The following LOXL2 variants were observed in gnomAD, a reference collection of about 807,000 sequenced individuals.
The protein encoded by LOXL2 is lysyl oxidase like 2.
LOXL2 carries 70 observed loss-of-function variants against 93.0 expected under a neutral mutation model. The ratio of observed to expected loss-of-function variants is 0.75; its 90% CI spans 0.62 to 0.92. The LOEUF (loss-of-function observed/expected upper bound fraction) is 0.92. Ranked by LOEUF, LOXL2 falls within the 40% of genes least tolerant of loss-of-function variation. The pLI, the probability that LOXL2 is intolerant of heterozygous loss-of-function variation, is 0.00. For synonymous variants in LOXL2, 438 were observed against 413.2 expected (o/e 1.06, Z -0.73); for missense variants, 973 against 1,054.9 (o/e 0.92, Z 1.08).
At chr8:23,352,102 C>A (rs1804104277) in intron 3 of LOXL2, among the ~76,000 whole-genome samples, 1 of 152,216 alleles carries the variant, frequency 6.6e-6, no homozygotes, top group Non-Finnish European at 1.5e-5. Context: ...GCGTGAGCCA[C>A]CGTGCCCAGC....
intron 1 of LOXL2, 159 bp downstream of exon 1, chr8:23,403,795 T>A (rs1800183119): frequency 6.6e-6 from 1 of 152,344 alleles, no homozygotes; most frequent in Non-Finnish European, 1.5e-5. Context: ...CCCGTTAGCC[T>A]GCACGTCCTC....
intron 6 of LOXL2, among the ~76,000 whole-genome samples, chr8:23,324,753 T>TA (rs1427757534): frequency 2.6e-5 from 4 of 152,336 alleles, no homozygotes; most frequent in African/African-American, 9.6e-5. Flanking sequence ...AGAGCAGTGT[T>TA]ACGGCTTCCA....
At position 23,328,494 on chromosome 8, in the gene LOXL2, T is replaced by C. The variant is rs1051146; in HGVS notation, c.1038A>G (p.Glu346=). Residue 346 remains glutamate (E), a synonymous_variant, in exon 6 of 14, where the codon GAA becomes GAG. Transcript: ENST00000389131. ...ACTTGTCGTCGCAGACGGTCCCCCA[T>C]TCTCCATTTTTGAGCACCTCCACGC... ...EGRVEVLKNG[E]WGTVCDDKWD... 1,137,524 of 1,613,578 alleles carry C rather than the reference T, an allele frequency of 0.7. 406,424 individuals are homozygous for C. Among genetic ancestry groups the C allele is most frequent in the Non-Finnish European group, 0.74 (870,288 of 1,179,830 alleles).
At chr8:23,382,925 C>T (rs1193238370) in intron 1 of LOXL2, among the ~76,000 whole-genome samples, 1 of 152,144 alleles carries the variant, frequency 6.6e-6, no homozygotes, top group East Asian at 1.9e-4. Flanking sequence ...TGGCTGAACC[C>T]ACCCCAAACA....
intron 1 of LOXL2, among the ~76,000 whole-genome samples, chr8:23,395,958 G>T (rs531789075): frequency 3.3e-5 from 5 of 152,130 alleles, no homozygotes; most frequent in Non-Finnish European, 7.3e-5. Flanking sequence ...ACAGGTGTGA[G>T]CCACTGTGCC....
intron 3 of LOXL2, among the ~76,000 whole-genome samples, chr8:23,343,590 G>A (rs7013955): frequency 0.089 from 13,541 of 152,232 alleles, 725 homozygotes; most frequent in African/African-American, 0.15. Context: ...ACGTCTCCTC[G>A]CCATGGGCTT....
chr8:23,328,819 C>T (rs540396180), intron 5 of LOXL2: 13 of 459,572 alleles, frequency 2.8e-5, no homozygotes, highest in Admixed American at 7.0e-5. Flanking sequence ...GCAGCCCTCG[C>T]GTGGAGCTTC....
At chr8:23,349,240 G>A (rs752709318) in intron 3 of LOXL2, among the ~76,000 whole-genome samples, 29 of 152,106 alleles carry the variant, frequency 1.9e-4, no homozygotes, top group African/African-American at 2.2e-4. Flanking sequence ...CTGTCTCCTC[G>A]CCTCTGGTTT....
At chr8:23,364,389 TTA>T (rs1475229190) in intron 2 of LOXL2, 1 of 152,192 alleles carries the variant, frequency 6.6e-6, no homozygotes, top group African/African-American at 2.4e-5. Context: ...AAGCCAAATT[TTA>T]TGTTACTCTT....
chr8:23,297,823 C>T lies in LOXL2; in HGVS notation c.*220G>A, dbSNP rs866948084. On this transcript the variant is annotated 3_prime_UTR_variant, in exon 14 of 14. Transcript: ENST00000389131. The stretch of plus-strand genomic sequence containing the variant: ...CAGCTCTGTGGACAAACCCCACCCC[C>T]GCAAGGCCTTCTCAGGCCCCAAGGG... 89 of 529,722 alleles carry T rather than the reference C, an allele frequency of 1.7e-4. 2 individuals are homozygous for T. The highest frequency in any genetic ancestry group is 1.5e-3 in the South Asian group (59 of 39,776). The allele number at this position is 529,722 out of a possible 1,614,324, so 32.8% of individuals were successfully genotyped here. A position where few individuals can be genotyped will look rare whatever the true frequency, so the allele number is the denominator to read the frequency against.
chr8:23,297,915 G>A lies in LOXL2; in HGVS notation c.*128C>T. The A allele has an allele frequency of 1.4e-6, 1 of 693,744 alleles. No homozygotes were observed. 43.0% of individuals were successfully genotyped at this position (693,744 alleles called of 1,614,324 possible). Reference sequence around the variant, plus strand: ...CTCCTGAGCTTAGACACAGCTGTAGGGGTCTGGACAGGGTGGGGGCCGGGC... The same window carrying A: ...CTCCTGAGCTTAGACACAGCTGTAGAGGTCTGGACAGGGTGGGGGCCGGGC... On this transcript the variant is annotated 3_prime_UTR_variant, in exon 14 of 14. Coordinates refer to ENST00000389131, the MANE Select transcript of LOXL2 (RefSeq NM_002318.3).
At chr8:23,332,712 GCACTCATACACACA>G (rs1368691045) in intron 5 of LOXL2, among the ~76,000 whole-genome samples, 4 of 56,966 alleles carry the variant, frequency 7.0e-5, no homozygotes, top group Non-Finnish European at 5.9e-5. Context: ...TCATACACAT[GCACTCATACACACA>G]CACTCATACA....
chr8:23,298,212 T>C, intron 13 of LOXL2, 90 bp from the exon 14 acceptor site: 3 of 905,998 alleles, frequency 3.3e-6, no homozygotes, highest in Non-Finnish European at 5.4e-6. Context: ...CCTCAGGGGC[T>C]GCTGGGGCCA....
chr8:23,356,095 A>G (rs1232120260), intron 3 of LOXL2, among the ~76,000 whole-genome samples: 3 of 152,118 alleles, frequency 2.0e-5, no homozygotes, highest in Admixed American at 2.0e-4. Context: ...ATACTCCAGC[A>G]ATCTCTCCTA....
intron 1 of LOXL2, among the ~76,000 whole-genome samples, chr8:23,393,185 C>T (rs1800036380): frequency 6.6e-6 from 1 of 152,218 alleles, no homozygotes; most frequent in East Asian, 1.9e-4. Flanking sequence ...CAGCTGACTT[C>T]TTTGCAGAAA....
intron 11 of LOXL2, among the ~76,000 whole-genome samples, 195 bp downstream of exon 11, chr8:23,303,086 CG>C (rs1803166872): frequency 6.6e-6 from 1 of 151,980 alleles, no homozygotes; most frequent in African/African-American, 2.4e-5. Context: ...CTGGGGAATC[CG>C]GGTGCCCTTG....
rs756177095 is a variant in LOXL2 at position 23,317,066 on chromosome 8, T to C, written c.1519A>G (p.Ser507Gly). 1.9e-6 allele frequency: 3 copies of C among 1,614,230 alleles called. No individual in the cohort carries two copies. Among genetic ancestry groups the C allele is most frequent in the Non-Finnish European group, 1.7e-6 (2 of 1,180,030 alleles). Reference protein sequence around the residue: ...GDVNSNKVVMSGVKCSGTELS... With the variant: ...GDVNSNKVVMGGVKCSGTELS... ...TCCGTTCCCGAGCACTTCACTCCAC[T>C]CATGACCACTTTGTTGCTGTTGACA... is the stretch of plus-strand genomic sequence containing the variant. The change falls in exon 9 of 14, where the codon AGT becomes GGT. Residue 507 changes from serine (S) to glycine (G), a missense_variant. Ser to Gly is a moderately conservative substitution (Grantham distance 56, BLOSUM62 0). Coordinates refer to ENST00000389131, the MANE Select transcript of LOXL2 (RefSeq NM_002318.3).
At chr8:23,299,091 A>T (rs1227672866) in intron 12 of LOXL2, 144 bp from the exon 13 acceptor site, 11 of 603,970 alleles carry the variant, frequency 1.8e-5, no homozygotes, top group Non-Finnish European at 3.0e-5. Context: ...GGGTCTCAAC[A>T]AAGTCCTTGG....
intron 3 of LOXL2, among the ~76,000 whole-genome samples, chr8:23,346,158 A>AAATAAATAAAAAAAT (rs1563197443): frequency 0.017 from 2,313 of 138,012 alleles, 90 homozygotes; most frequent in African/African-American, 0.059. Flanking sequence ...AAATAAAATA[A>AAATAAATAAAAAAAT]AAAATAAAAT....
Sources: gnomAD v4.1 joint callset for allele counts (sites outside exome capture counted in the v4.1 genomes callset) on GRCh38, gnomAD v4.1.1 for gene constraint, MANE v1.5 for transcripts, NCBI Gene and HGNC (gene_info 2026-07-23, HGNC 2026-07-21) for gene names.